Variants in ANKS1B observed in about 807,000 individuals in gnomAD.
ANKS1B encodes ankyrin repeat and sterile alpha motif domain-containing protein 1B.
Under a neutral mutation model 148.3 loss-of-function variants are expected in ANKS1B, and 36 were observed. The ratio of observed to expected loss-of-function variants is 0.24; its 90% CI spans 0.19 to 0.32. The LOEUF is 0.32. ANKS1B is among the 10% of genes least tolerant of loss of function. ANKS1B has a pLI of 1.00. For missense variants in ANKS1B, 1,157 were observed against 1,542.6 expected, an observed-to-expected ratio of 0.75 and a Z score of 4.19; for synonymous variants, 542 against 560.8, an observed-to-expected ratio of 0.97 and a Z score of 0.47.
intron 15 of ANKS1B, among the ~76,000 whole-genome samples, chr12:99,086,658 C>A (rs1012201558): frequency 6.6e-6 from 1 of 152,158 alleles, no homozygotes; most frequent in Non-Finnish European, 1.5e-5. Context: ...TTATTTTAAA[C>A]CTGTGATTAA....
intron 15 of ANKS1B, among the ~76,000 whole-genome samples, chr12:99,110,758 G>A (rs748674475): frequency 4.6e-5 from 7 of 150,964 alleles, no homozygotes; most frequent in South Asian, 2.1e-4. Flanking sequence ...GTATCTAAGC[G>A]TGTTATGAAT....
intron 9 of ANKS1B, among the ~76,000 whole-genome samples, chr12:99,547,952 T>C (rs192198090): frequency 2.2e-4 from 34 of 152,338 alleles, no homozygotes; most frequent in African/African-American, 7.2e-4. Flanking sequence ...GGAATAAATG[T>C]ATGCCCTTCC....
chr12:99,474,582 GA>G, intron 10 of ANKS1B, among the ~76,000 whole-genome samples: 4 of 151,700 alleles, frequency 2.6e-5, no homozygotes, highest in African/African-American at 9.7e-5. Context: ...GAAATAAATA[GA>G]AAAGAAGTGA....
chr12:98,962,296 C>A (rs1167349142), intron 17 of ANKS1B, among the ~76,000 whole-genome samples: 1 of 151,124 alleles, frequency 6.6e-6, no homozygotes, highest in Non-Finnish European at 1.5e-5. Context: ...ATATATCAGA[C>A]AAAATAGATT....
intron 17 of ANKS1B, among the ~76,000 whole-genome samples, chr12:98,980,433 C>G (rs1405989848): frequency 6.6e-6 from 1 of 152,230 alleles, no homozygotes; most frequent in Non-Finnish European, 1.5e-5. Flanking sequence ...GTCTAGATCT[C>G]CTGACCTCGT....
At chr12:99,646,468 C>T (rs1365989892) in intron 9 of ANKS1B, among the ~76,000 whole-genome samples, 8 of 151,860 alleles carry the variant, frequency 5.3e-5, no homozygotes, top group East Asian at 3.9e-4. Context: ...CCAGCCTGAG[C>T]AATATGGTGA....
chr12:99,702,387 G>A lies in ANKS1B; in HGVS notation c.1129-47177C>T, dbSNP rs12322627. Among the ~76,000 whole-genome samples the A allele has an allele frequency of 9.7e-3, 1,473 of 152,056 alleles. 32 individuals are homozygous for A. The highest frequency in any genetic ancestry group is 0.033 in the African/African-American group (1,384 of 41,496). On this transcript the variant is annotated intron_variant, in intron 8 of 26. Transcript: ENST00000683438. Reference sequence around the variant, plus strand: ...CTTTTGCCCATTTTTAAATCAGATTGTTGTATCTTTTTCCTGTTGAGTTGT... The same window carrying A: ...CTTTTGCCCATTTTTAAATCAGATTATTGTATCTTTTTCCTGTTGAGTTGT...
At chr12:99,363,144 T>C (rs1047134450) in intron 12 of ANKS1B, among the ~76,000 whole-genome samples, 5 of 151,832 alleles carry the variant, frequency 3.3e-5, no homozygotes, top group African/African-American at 1.2e-4. Context: ...ACTTAGCCTA[T>C]AAAAAAATGC....
intron 9 of ANKS1B, among the ~76,000 whole-genome samples, chr12:98,737,494 C>T (rs147541054): frequency 5.1e-4 from 78 of 152,238 alleles, no homozygotes; most frequent in African/African-American, 1.8e-3. Flanking sequence ...CCCAGTAAAT[C>T]GTAAGCTCCT....
chr12:99,411,851 A>C (rs548826560), intron 11 of ANKS1B, among the ~76,000 whole-genome samples: 1 of 152,148 alleles, frequency 6.6e-6, no homozygotes, highest in African/African-American at 2.4e-5. Flanking sequence ...GATCTCTTTG[A>C]CCCTTCCTGT....
chr12:99,774,472 ACAAAAGATAGGAGG>A (rs2063473638), intron 7 of ANKS1B, among the ~76,000 whole-genome samples: 1 of 152,084 alleles, frequency 6.6e-6, no homozygotes, highest in South Asian at 2.1e-4. Flanking sequence ...TCTCAAAAAG[ACAAAAGATAGGAGG>A]TGTTTCTGAG....
chr12:99,125,242 C>G (rs931708409), intron 15 of ANKS1B, among the ~76,000 whole-genome samples: 12 of 152,134 alleles, frequency 7.9e-5, no homozygotes, highest in Non-Finnish European at 1.2e-4. Flanking sequence ...TTCATTCATT[C>G]ATTCCAAAAA....
At chr12:99,545,560 A>G (rs999430296) in intron 9 of ANKS1B, among the ~76,000 whole-genome samples, 2 of 151,976 alleles carry the variant, frequency 1.3e-5, no homozygotes, top group Non-Finnish European at 2.9e-5. Context: ...AACTAAATTT[A>G]AGGCATGTAT....
intron 12 of ANKS1B, among the ~76,000 whole-genome samples, chr12:99,255,103 T>C (rs959711843): frequency 3.3e-5 from 5 of 152,212 alleles, no homozygotes; most frequent in African/African-American, 1.2e-4. Flanking sequence ...TATATTTACT[T>C]TACCTTTAAA....
chr12:99,545,128 C>T (rs1003208086), intron 9 of ANKS1B, among the ~76,000 whole-genome samples: 3 of 152,092 alleles, frequency 2.0e-5, no homozygotes, highest in African/African-American at 7.2e-5. Flanking sequence ...ATGATCCGTT[C>T]TTCATGAGAC....
intron 17 of ANKS1B, among the ~76,000 whole-genome samples, chr12:98,930,852 C>G (rs1045193004): frequency 8.6e-5 from 13 of 152,044 alleles, no homozygotes; most frequent in African/African-American, 2.9e-4. Flanking sequence ...ACGAAAACCA[C>G]TGAATTGTAC....
At chr12:99,503,742 AAAGT>A (rs2096678510) in intron 10 of ANKS1B, among the ~76,000 whole-genome samples, 1 of 152,064 alleles carries the variant, frequency 6.6e-6, no homozygotes, top group Non-Finnish European at 1.5e-5. Flanking sequence ...TTACTATTCA[AAAGT>A]AAGTTGCGAC....
At chr12:99,122,981 G>C (rs2063277767) in intron 15 of ANKS1B, among the ~76,000 whole-genome samples, 1 of 77,250 alleles carries the variant, frequency 1.3e-5, no homozygotes, top group African/African-American at 5.6e-5. Flanking sequence ...AAATAAATCA[G>C]TAAAATTAAA....
chr12:98,955,755 G>A (rs1203406054), intron 17 of ANKS1B, among the ~76,000 whole-genome samples: 1 of 152,198 alleles, frequency 6.6e-6, no homozygotes, highest in Non-Finnish European at 1.5e-5. Flanking sequence ...TGAGATGGGG[G>A]AAGGCTGCGG....
Sources: allele counts gnomAD v4.1 joint callset (sites outside exome capture counted in the v4.1 genomes callset), GRCh38; gene constraint gnomAD v4.1.1; transcripts MANE v1.5; gene names NCBI Gene and HGNC (gene_info 2026-07-23, HGNC 2026-07-21).